EP300: variants seen among roughly 807,000 people sequenced by gnomAD.
EP300 encodes EP300 lysine acetyltransferase.
EP300 carries 31 observed loss-of-function variants against 264.0 expected under a neutral mutation model. That is an observed-to-expected ratio of 0.12 (90% CI 0.09 to 0.16). The LOEUF is 0.16. Ranked by LOEUF, EP300 falls within the 10% of genes least tolerant of loss-of-function variation. The pLI is 1.00. For synonymous variants in EP300, 1,340 were observed against 1,045.4 expected, an observed-to-expected ratio of 1.28 and a Z score of -5.44; for missense variants, 2,766 against 3,052.9, an observed-to-expected ratio of 0.91 and a Z score of 2.21.
intron 19 of EP300, chr22:41,159,039 G>C (rs1362220208): frequency 6.4e-6 from 1 of 155,320 alleles, no homozygotes; most frequent in Non-Finnish European, 1.4e-5. Flanking sequence ...CCTTGTATGT[G>C]ACAGAGGATG....
intron 10 of EP300, among the ~76,000 whole-genome samples, chr22:41,142,885 CA>C (rs879716995): frequency 2.8e-5 from 4 of 143,698 alleles, no homozygotes; most frequent in South Asian, 2.2e-4. Flanking sequence ...GACTCTGTCT[CA>C]AAAAAAAAAC....
chr22:41,163,187 G>C (rs1048593507), intron 21 of EP300, among the ~76,000 whole-genome samples: 3 of 152,034 alleles, frequency 2.0e-5, no homozygotes, highest in African/African-American at 4.8e-5. Context: ...TGTAATCCCA[G>C]CACTTTGGGA....
chr22:41,179,193 C>T lies in EP300; in HGVS notation c.*237C>T, dbSNP rs1462021060. 5 of 562,636 alleles carry T rather than the reference C, an allele frequency of 8.9e-6. No individual in the cohort carries two copies. Among genetic ancestry groups the T allele is most frequent in the South Asian group, 8.4e-5 (4 of 47,618 alleles). 34.9% of individuals were successfully genotyped at this position (562,636 alleles called of 1,614,324 possible). A position where few individuals can be genotyped will look rare whatever the true frequency, so the allele number is the denominator to read the frequency against. On this transcript the variant is annotated 3_prime_UTR_variant, in exon 31 of 31. Transcript: ENST00000263253. ...CTGGTTACCACCAGCCTTTCTTCCC[C>T]TTTGTGTGTGTGGTTCAAGTGTGCA...
rs200028009 is a variant in EP300 at position 41,099,151 on chromosome 22, GTC to G, written c.94+6056_94+6057del. Among the ~76,000 whole-genome samples, 313 of 151,948 alleles carry G rather than the reference GTC, an allele frequency of 2.1e-3. 11 individuals carry two copies. The East Asian group carries it at 0.058, about 28-fold the overall frequency. ...GTGATCTCGGCCTATGACAACCTCC[GTC>G]TCCCGGCTTCAAGCGATTCTCCTGC... On this transcript the variant is annotated intron_variant, in intron 1 of 30. Transcript: ENST00000263253.
In EP300 at chr22:41,157,149, G is replaced by A; in HGVS notation, c.3262-20G>A. ...AAATAGTGAGACTTGAGTAATGTTT[G>A]ATGTCACTTGTCTTTCTAGGATTAC... is the stretch of plus-strand genomic sequence containing the variant. On this transcript the variant is annotated intron_variant, in intron 17 of 30. Transcript: ENST00000263253. 1 of 1,613,788 alleles carries A rather than the reference G, an allele frequency of 6.2e-7. No individual in the cohort carries two copies. The highest frequency in any genetic ancestry group is 8.5e-7 in the Non-Finnish European group (1 of 1,179,880).
intron 1 of EP300, among the ~76,000 whole-genome samples, chr22:41,095,928 G>T (rs1275992586): frequency 1.3e-5 from 2 of 152,102 alleles, no homozygotes; most frequent in African/African-American, 4.8e-5. Flanking sequence ...CCTCTGAATT[G>T]CTGTTTAATA....
intron 1 of EP300, among the ~76,000 whole-genome samples, chr22:41,109,359 A>G (rs1166116912): frequency 6.6e-6 from 1 of 152,130 alleles, no homozygotes; most frequent in Non-Finnish European, 1.5e-5. Context: ...CTAGAATAAC[A>G]AGACTTCTAT....
intron 6 of EP300, among the ~76,000 whole-genome samples, chr22:41,134,380 T>A (rs2058938267): frequency 6.6e-6 from 1 of 151,852 alleles, no homozygotes; most frequent in Non-Finnish European, 1.5e-5. Context: ...TGTGTGTGTG[T>A]GAGATTGGTC....
intron 6 of EP300, among the ~76,000 whole-genome samples, chr22:41,133,120 A>AG (rs2058929928): frequency 6.6e-6 from 1 of 151,886 alleles, no homozygotes; most frequent in East Asian, 1.9e-4. Context: ...CTGGGATTAC[A>AG]GGCATGAGCC....
chr22:41,100,506 T>C (rs1406787781), intron 1 of EP300, among the ~76,000 whole-genome samples: 1 of 152,170 alleles, frequency 6.6e-6, no homozygotes, highest in African/African-American at 2.4e-5. Flanking sequence ...CTTCCGTATC[T>C]GAGGGTTCCG....
chr22:41,107,192 C>T (rs2058762658), intron 1 of EP300, among the ~76,000 whole-genome samples: 1 of 152,100 alleles, frequency 6.6e-6, no homozygotes, highest in Admixed American at 6.6e-5. Context: ...AGCCACGGTG[C>T]CTGACCTAAA....
chr22:41,123,596 T>C (rs2058864118), intron 2 of EP300, among the ~76,000 whole-genome samples: 1 of 152,196 alleles, frequency 6.6e-6, no homozygotes, highest in African/African-American at 2.4e-5. Flanking sequence ...GACCCTTTGA[T>C]TGGTCTTAGC....
chr22:41,141,318 C>A lies in EP300; in HGVS notation c.2053+96C>A. On this transcript the variant is annotated intron_variant, in intron 10 of 30. Coordinates refer to ENST00000263253, the MANE Select transcript of EP300 (RefSeq NM_001429.4). The stretch of plus-strand genomic sequence containing the variant: ...ATTTCTGTAAGCTTGTGTAACTATT[C>A]TAGAGTTTTTTAAATAACCATTTGC... 2.2e-6 allele frequency: 3 copies of A among 1,372,852 alleles called. 1 individual carries two copies. The South Asian group carries it at 3.8e-5, about 18-fold the overall frequency. The allele number at this position is 1,372,852 out of a possible 1,614,324, so 85.0% of individuals were successfully genotyped here. A position where few individuals can be genotyped will look rare whatever the true frequency, so the allele number is the denominator to read the frequency against.
rs1483018665 is a variant in EP300 at position 41,173,658 on chromosome 22, G to A, written c.4653G>A (p.Lys1551=). 6.2e-7 allele frequency: 1 copy of A among 1,614,130 alleles called. No individual in the cohort carries two copies. The highest frequency in any genetic ancestry group is 1.3e-5 in the African/African-American group (1 of 75,030). The change falls in exon 29 of 31, where the codon AAG becomes AAA. Residue 1551 remains lysine (K), a synonymous_variant. Coordinates refer to ENST00000263253, the MANE Select transcript of EP300 (RefSeq NM_001429.4). Reference sequence around the variant, plus strand: ...GAGACAGCAAAAATGCTAAAAAGAAGAATAATAAGAAAACCAGCAAAAATA... The same window carrying A: ...GAGACAGCAAAAATGCTAAAAAGAAAAATAATAAGAAAACCAGCAAAAATA... The part of the protein sequence containing the change: ...TKGDSKNAKK[K]NNKKTSKNKS...
chr22:41,142,274 G>A (rs539707873), intron 10 of EP300, among the ~76,000 whole-genome samples: 3 of 152,276 alleles, frequency 2.0e-5, no homozygotes, highest in East Asian at 1.9e-4. Flanking sequence ...AACCTCATAC[G>A]ATCAGTAGAT....
intron 6 of EP300, among the ~76,000 whole-genome samples, chr22:41,133,129 C>A (rs995957153): frequency 4.6e-5 from 7 of 151,738 alleles, no homozygotes; most frequent in Admixed American, 2.6e-4. Context: ...CAGGCATGAG[C>A]CACCGCACCT....
chr22:41,125,785 T>G, intron 2 of EP300, 79 bp from the exon 3 acceptor site: 1 of 1,456,790 alleles, frequency 6.9e-7, no homozygotes, highest in Non-Finnish European at 9.5e-7. Context: ...TTTGTGAACT[T>G]GGAAGTGAAA....
chr22:41,111,125 G>A (rs891278432), intron 1 of EP300, among the ~76,000 whole-genome samples: 17 of 151,648 alleles, frequency 1.1e-4, no homozygotes, highest in Non-Finnish European at 1.8e-4. Flanking sequence ...GCCACCACGC[G>A]CAGCTAATTT....
chr22:41,098,614 G>T (rs546493907), intron 1 of EP300, among the ~76,000 whole-genome samples: 1 of 151,924 alleles, frequency 6.6e-6, no homozygotes, highest in East Asian at 1.9e-4. Context: ...CTCGTGATCC[G>T]CCCACCTCAG....
Sources: gnomAD v4.1 joint callset for allele counts (sites outside exome capture counted in the v4.1 genomes callset) on GRCh38, gnomAD v4.1.1 for gene constraint, MANE v1.5 for transcripts, NCBI Gene and HGNC (gene_info 2026-07-23, HGNC 2026-07-21) for gene names.